RNF180: variants seen among roughly 807,000 people sequenced by gnomAD.
The protein encoded by RNF180 is E3 ubiquitin-protein ligase RNF180.
RNF180 carries 38 observed loss-of-function variants against 59.2 expected under a neutral mutation model. The observed-to-expected ratio is 0.64, with a 90% CI of 0.50 to 0.84. The LOEUF is 0.84. Among genes scored for constraint, RNF180 ranks in the 40% least tolerant of loss-of-function variants. RNF180 has a pLI of 0.00. For synonymous variants in RNF180, 262 were observed against 240.3 expected, an observed-to-expected ratio of 1.09 and a Z score of -0.84; for missense variants, 705 against 700.9, an observed-to-expected ratio of 1.01 and a Z score of -0.07.
chr5:64,213,281 C>T (rs1752404528), intron 3 of RNF180, among the ~76,000 whole-genome samples: 1 of 152,138 alleles, frequency 6.6e-6, no homozygotes, highest in African/African-American at 2.4e-5. Flanking sequence ...CCATATTCAA[C>T]CTATTGTTCA....
chr5:64,196,103 T>C (rs72769843), intron 1 of RNF180, among the ~76,000 whole-genome samples: 15,372 of 152,220 alleles, frequency 0.1, 886 homozygotes, highest in South Asian at 0.17. Flanking sequence ...AAAACAATGT[T>C]ATTCAAGGGC....
At chr5:64,254,443 T>G (rs1042022564) in intron 5 of RNF180, among the ~76,000 whole-genome samples, 7 of 152,148 alleles carry the variant, frequency 4.6e-5, no homozygotes, top group African/African-American at 9.7e-5. Flanking sequence ...CAAAAAAGTA[T>G]TTTATGCCTT....
chr5:64,273,930 T>C (rs1200248995), intron 5 of RNF180, among the ~76,000 whole-genome samples: 1 of 152,026 alleles, frequency 6.6e-6, no homozygotes, highest in East Asian at 1.9e-4. Context: ...CATATTGGAA[T>C]TGTTCCCACA....
rs149522399 is a variant in RNF180, at chr5:64,355,502, G to T, written c.1580-14113G>T. ...TCAGTACTGCCCAAGGCCATCTACA[G>T]ATTTAACACAATTTCTATCAAAATT... On this transcript the variant is annotated intron_variant, in intron 7 of 7. Transcript: ENST00000389100. Among the ~76,000 whole-genome samples the T allele has an allele frequency of 3.4e-3, 514 of 152,002 alleles. 2 individuals are homozygous for T. The highest frequency in any genetic ancestry group is 0.011 in the African/African-American group (465 of 41,532).
rs182202376 is a variant in RNF180 at position 64,210,354 on chromosome 5, T to G, written c.136-1711T>G. On this transcript the variant is annotated intron_variant, in intron 2 of 7. Coordinates refer to ENST00000389100, the MANE Select transcript of RNF180 (RefSeq NM_001113561.2). ...AGAGAACCTTGGACTTACCAGAGTG[T>G]TGATACTCTCTCTCAAACTCTCTGT... Among the ~76,000 whole-genome samples, 177 of 152,268 alleles carry G rather than the reference T, an allele frequency of 1.2e-3. 3 individuals carry two copies. Among genetic ancestry groups the G allele is most frequent in the Non-Finnish European group, 1.5e-3 (101 of 68,006 alleles).
chr5:64,307,809 G>A (rs561710372), intron 5 of RNF180, among the ~76,000 whole-genome samples: 17 of 151,722 alleles, frequency 1.1e-4, no homozygotes, highest in African/African-American at 3.4e-4. Flanking sequence ...ATGGTTGCAT[G>A]GGGACTTGAA....
intron 1 of RNF180, among the ~76,000 whole-genome samples, chr5:64,182,972 T>G: frequency 6.6e-6 from 1 of 152,216 alleles, no homozygotes; most frequent in Non-Finnish European, 1.5e-5. Flanking sequence ...TAGTTGCTGC[T>G]TCCATTCCTT....
chr5:64,330,425 A>G lies in RNF180; in HGVS notation c.1579+19A>G. The G allele has an allele frequency of 7.1e-7, 1 of 1,412,606 alleles. No individual in the cohort carries two copies. Among genetic ancestry groups the G allele is most frequent in the Non-Finnish European group, 9.4e-7 (1 of 1,058,478 alleles). 87.5% of individuals were successfully genotyped at this position (1,412,606 alleles called of 1,614,324 possible). On this transcript the variant is annotated intron_variant, in intron 7 of 7. Coordinates refer to ENST00000389100, the MANE Select transcript of RNF180 (RefSeq NM_001113561.2). ...TTTGGAGGTAAGGAAATCTAACGCC[A>G]AAAAAAAAGTCTGGTAATTTTGTCT...
rs2112509842 is a variant in RNF180 at position 64,321,180 on chromosome 5, A to G, written c.1228-4006A>G. Among the ~76,000 whole-genome samples, 4 of 152,298 alleles carry G rather than the reference A, an allele frequency of 2.6e-5. No individual in the cohort carries two copies. In the Middle Eastern group the frequency reaches 0.01, roughly 389 times the overall value. Reference sequence around the variant, plus strand: ...AAGTTCTGGCCAGGGCAATCAGGCAAGAGGAAAAAAAAAGGGTGGGGGGTA... The same window carrying G: ...AAGTTCTGGCCAGGGCAATCAGGCAGGAGGAAAAAAAAAGGGTGGGGGGTA... On this transcript the variant is annotated intron_variant, in intron 5 of 7. Transcript: ENST00000389100.
At chr5:64,328,663 A>G (rs1744761907) in intron 6 of RNF180, among the ~76,000 whole-genome samples, 1 of 152,172 alleles carries the variant, frequency 6.6e-6, no homozygotes, top group South Asian at 2.1e-4. Flanking sequence ...TGCCTAGAGT[A>G]GTGTATTTTT....
chr5:64,359,012 A>T (rs1306196798), intron 7 of RNF180, among the ~76,000 whole-genome samples: 1 of 149,842 alleles, frequency 6.7e-6, no homozygotes, highest in Non-Finnish European at 1.5e-5. Flanking sequence ...TATGTGCCAC[A>T]TTTTCTTAAT....
At chr5:64,269,170 T>G (rs1331052523) in intron 5 of RNF180, among the ~76,000 whole-genome samples, 1 of 152,160 alleles carries the variant, frequency 6.6e-6, no homozygotes, top group Non-Finnish European at 1.5e-5. Flanking sequence ...TCTAGTCACT[T>G]TTTTGGAAAT....
chr5:64,261,887 A>C (rs1318414308), intron 5 of RNF180, among the ~76,000 whole-genome samples: 3 of 152,110 alleles, frequency 2.0e-5, no homozygotes, highest in Non-Finnish European at 4.4e-5. Flanking sequence ...TAGTGGAAAA[A>C]AGTGAAAGCT....
rs370850914 is a variant in RNF180 at position 64,213,637 on chromosome 5, A to C, written c.311A>C (p.Lys104Thr). 37 of 1,614,044 alleles carry C rather than the reference A, an allele frequency of 2.3e-5. No individual in the cohort carries two copies. Among genetic ancestry groups the C allele is most frequent in the Non-Finnish European group, 2.9e-5 (34 of 1,180,004 alleles). ...GGCTTTAATTTTGTCAGCACTCCAA[A>C]ATGTTCCTGTGGCCAGCTTGCAGCT... Reference protein sequence around the residue: ...LGGFNFVSTPKCSCGQLAAVH... With the variant: ...LGGFNFVSTPTCSCGQLAAVH... Residue 104 changes from lysine (K) to threonine (T), a missense_variant, in exon 4 of 8, where the codon AAA (lysine) becomes ACA (threonine). Physicochemically the swap from Lys to Thr is moderately conservative, Grantham distance 78. Transcript: ENST00000389100.
At chr5:64,364,416 T>C (rs1746370199) in intron 7 of RNF180, among the ~76,000 whole-genome samples, 1 of 151,864 alleles carries the variant, frequency 6.6e-6, no homozygotes, top group Admixed American at 6.6e-5. Context: ...ATCCCAGGGA[T>C]AAAGCCTACT....
At chr5:64,265,014 A>G (rs961560355) in intron 5 of RNF180, among the ~76,000 whole-genome samples, 23 of 152,160 alleles carry the variant, frequency 1.5e-4, no homozygotes, top group African/African-American at 5.6e-4. Context: ...TGTTGGCTGC[A>G]TAAGTGTCTT....
chr5:64,350,357 G>A (rs1466591923), intron 7 of RNF180, among the ~76,000 whole-genome samples: 1 of 152,094 alleles, frequency 6.6e-6, no homozygotes, highest in Non-Finnish European at 1.5e-5. Context: ...CTCCCGTTCT[G>A]TAGGTTGCCT....
intron 7 of RNF180, among the ~76,000 whole-genome samples, chr5:64,331,849 C>A (rs552943572): frequency 7.8e-4 from 119 of 152,246 alleles, no homozygotes; most frequent in African/African-American, 2.8e-3. Flanking sequence ...GCTGTGACAC[C>A]CTCCTTGGGG....
chr5:64,259,890 C>T (rs1744221454), intron 5 of RNF180, among the ~76,000 whole-genome samples: 1 of 152,040 alleles, frequency 6.6e-6, no homozygotes, highest in Non-Finnish European at 1.5e-5. Context: ...CATTGAACTC[C>T]ACCCTGGGCA....
Sources: gnomAD v4.1 joint callset for allele counts (sites outside exome capture counted in the v4.1 genomes callset) on GRCh38, gnomAD v4.1.1 for gene constraint, MANE v1.5 for transcripts, NCBI Gene and HGNC (gene_info 2026-07-23, HGNC 2026-07-21) for gene names.